Variants in ZNF160 observed in about 807,000 individuals in gnomAD.
ZNF160 encodes zinc finger protein 160.
Under a neutral mutation model 13.1 loss-of-function variants are expected in ZNF160, and 9 were observed. The ratio of observed to expected loss-of-function variants is 0.69; its 90% CI spans 0.41 to 1.20. ZNF160 has a LOEUF of 1.20. Ranked by LOEUF, ZNF160 falls within the 50% of genes most tolerant of loss-of-function variation. The pLI is 0.01. For synonymous variants in ZNF160, 293 were observed against 333.2 expected (o/e 0.88, Z 1.31); for missense variants, 838 against 988.0 (o/e 0.85, Z 2.04).
intron 2 of ZNF160, among the ~76,000 whole-genome samples, chr19:53,086,552 T>C (rs539911792): frequency 6.6e-6 from 1 of 151,742 alleles, no homozygotes; most frequent in African/African-American, 2.4e-5. Flanking sequence ...ACCTTCCTCC[T>C]GGAGAAGCCC....
At chr19:53,091,857 TC>T (rs1857523630) in intron 1 of ZNF160, 137 bp from the exon 2 acceptor site, 1 of 152,218 alleles carries the variant, frequency 6.6e-6, no homozygotes, top group African/African-American at 2.4e-5. Flanking sequence ...CCATTTCTAT[TC>T]CCCGCGCACT....
chr19:53,075,379 G>A lies in ZNF160; in HGVS notation c.16-196C>T, dbSNP rs1193167733. ...CATAAGAGCTCACTTGAAATCAGTG[G>A]AGTGATAAGTATCTTTTTGTACATT... On this transcript the variant is annotated intron_variant, in intron 3 of 5. Coordinates refer to ENST00000683776, the MANE Select transcript of ZNF160 (RefSeq NM_001322131.2). The A allele has an allele frequency of 4.9e-6, 3 of 608,290 alleles. No homozygotes were observed. The East Asian group carries it at 9.2e-5, about 19-fold the overall frequency. The allele number at this position is 608,290 out of a possible 1,614,324, so 37.7% of individuals were successfully genotyped here.
At chr19:53,076,059 T>C (rs929504300) in intron 3 of ZNF160, 2 of 225,476 alleles carry the variant, frequency 8.9e-6, no homozygotes, top group East Asian at 2.5e-4. Context: ...AGTATTTGTA[T>C]TATGGAAGCA....
chr19:53,102,315 C>T (rs935080197), intron 1 of ZNF160, among the ~76,000 whole-genome samples: 2 of 152,158 alleles, frequency 1.3e-5, no homozygotes, highest in Non-Finnish European at 2.9e-5. Flanking sequence ...CTCTCTGGCA[C>T]TCCCAGATCC....
chr19:53,086,134 G>C, intron 3 of ZNF160, 128 bp downstream of exon 3: 2 of 1,332,816 alleles, frequency 1.5e-6, no homozygotes, highest in East Asian at 2.3e-5. Flanking sequence ...AGGGACTGAG[G>C]GAAGGCGCGG....
intron 5 of ZNF160, chr19:53,073,488 T>C (rs752954775): frequency 1.9e-6 from 3 of 1,598,064 alleles, no homozygotes; most frequent in Admixed American, 1.7e-5. Context: ...CAGCAGCCAA[T>C]GTTTCCATCT....
chr19:53,100,604 C>T (rs923474349), intron 1 of ZNF160, among the ~76,000 whole-genome samples: 5 of 150,508 alleles, frequency 3.3e-5, no homozygotes, highest in South Asian at 2.1e-4. Flanking sequence ...AGCGAGACTC[C>T]GTCTCCAAAA....
At chr19:53,072,245 G>T (rs1227814931) in intron 5 of ZNF160, among the ~76,000 whole-genome samples, 1 of 152,040 alleles carries the variant, frequency 6.6e-6, no homozygotes, top group African/African-American at 2.4e-5. Context: ...GGGACTGCAG[G>T]CATGTGCCAT....
chr19:53,097,229 T>C (rs3826699), intron 1 of ZNF160, among the ~76,000 whole-genome samples: 111,255 of 120,302 alleles, frequency 0.92, 51,497 homozygotes, highest in Middle Eastern at 0.96. Context: ...GTGGAAGCCT[T>C]TGGGCCGCAG....
chr19:53,075,566 A>C, intron 3 of ZNF160: 1 of 353,212 alleles, frequency 2.8e-6, no homozygotes, highest in South Asian at 2.2e-5. Flanking sequence ...GTTGATCACC[A>C]ATGCCAATAA....
Position 53,073,432 on chromosome 19 carries a change from G to A in ZNF160, c.271+708C>T, listed in dbSNP as rs571043954. On this transcript the variant is annotated intron_variant, in intron 5 of 5. Coordinates refer to ENST00000683776, the MANE Select transcript of ZNF160 (RefSeq NM_001322131.2). The stretch of plus-strand genomic sequence containing the variant: ...CCGAGGGACCTCGACAGGCGGAGAC[G>A]GCTGGAGACTCTTCCATGAGGTTTG... 1.1e-5 allele frequency: 18 copies of A among 1,598,408 alleles called. No homozygotes were observed. The East Asian group carries it at 1.3e-4, about 12-fold the overall frequency.
rs145273922 is a variant in ZNF160 at position 53,079,338 on chromosome 19, G to A, written c.16-4155C>T. Among the ~76,000 whole-genome samples the A allele has an allele frequency of 7.9e-3, 1,196 of 152,048 alleles. 14 individuals are homozygous for A. The highest frequency in any genetic ancestry group is 0.027 in the African/African-American group (1,126 of 41,490). ...GGCCAAGGCAGGTGGATCACCTGAG[G>A]TCAGGAGTTCAAGACCAGCCTGACC... On this transcript the variant is annotated intron_variant, in intron 3 of 5. Coordinates refer to ENST00000683776, the MANE Select transcript of ZNF160 (RefSeq NM_001322131.2).
In ZNF160 at chr19:53,070,277, G is replaced by C; in HGVS notation, c.272-15C>G. 1 of 1,534,048 alleles carries C rather than the reference G, an allele frequency of 6.5e-7. No individual in the cohort carries two copies. Among genetic ancestry groups the C allele is most frequent in the African/African-American group, 1.4e-5 (1 of 71,938 alleles). On this transcript the variant is annotated splice_polypyrimidine_tract_variant and intron_variant, in intron 5 of 5. Transcript: ENST00000683776. ...AGGAGGGATATCTACAAGATATAAA[G>C]AACCACATAATTTCCAATTAATTAC...
At chr19:53,080,680 T>C (rs1045070376) in intron 3 of ZNF160, among the ~76,000 whole-genome samples, 7 of 152,190 alleles carry the variant, frequency 4.6e-5, no homozygotes, top group Admixed American at 6.5e-5. Context: ...AGTATTCCTA[T>C]TAAATGACCA....
rs1183791214 is a variant in ZNF160, at chr19:53,069,931, C to T, written c.603G>A (p.Met201Ile). ...ACTTCTCAACTTGATTACATTCATA[C>T]ATTTTCCCCTCACCTTGAAATAGCT... is the stretch of plus-strand genomic sequence containing the variant. ...ELQLFQGEGK[M>I]YECNQVEKST... The change falls in exon 6 of 6, where the codon ATG (methionine) becomes ATA (isoleucine). Residue 201 changes from methionine (M) to isoleucine (I), a missense_variant. Physicochemically the swap from Met to Ile is conservative, Grantham distance 10. Transcript: ENST00000683776. The surrounding 1 kb of genome is among the most constrained non-coding windows in gnomAD (Gnocchi z 4.4). The T allele has an allele frequency of 1.9e-6, 3 of 1,614,148 alleles. No homozygotes were observed. Among genetic ancestry groups the T allele is most frequent in the Admixed American group, 1.7e-5 (1 of 60,028 alleles).
At chr19:53,101,677 T>G (rs2085451565) in intron 1 of ZNF160, among the ~76,000 whole-genome samples, 2 of 152,144 alleles carry the variant, frequency 1.3e-5, no homozygotes, top group African/African-American at 4.8e-5. Context: ...CAGTCACTCC[T>G]TGCCTCTCTT....
chr19:53,069,751 T>G lies in ZNF160; in HGVS notation c.783A>C (p.Glu261Asp). The change falls in exon 6 of 6, where the codon GAA becomes GAC. Residue 261 changes from glutamate (E) to aspartate (D), a missense_variant. By Grantham distance (45) the Glu-to-Asp change is conservative (BLOSUM62 2). Coordinates refer to ENST00000683776, the MANE Select transcript of ZNF160 (RefSeq NM_001322131.2). The surrounding 1 kb of genome is among the most constrained non-coding windows in gnomAD (Gnocchi z 4.4). The part of the protein sequence containing the change: ...NSCGKPYKCN[E>D]CGKAFTQNSN... ...AATTCTGAGTGAACGCCTTGCCACA[T>G]TCATTACATTTATAAGGTTTTCCAC... 6.2e-7 allele frequency: 1 copy of G among 1,614,244 alleles called. No individual in the cohort carries two copies. Among genetic ancestry groups the G allele is most frequent in the Non-Finnish European group, 8.5e-7 (1 of 1,180,044 alleles).
intron 1 of ZNF160, among the ~76,000 whole-genome samples, chr19:53,094,290 C>A (rs868621274): frequency 6.6e-6 from 1 of 152,192 alleles, no homozygotes; most frequent in Admixed American, 6.5e-5. Context: ...GCCCAGAGTT[C>A]TCTTTCTTCC....
chr19:53,074,192 C>G lies in ZNF160; in HGVS notation c.219G>C (p.Val73=), dbSNP rs1421830084. The G allele has an allele frequency of 6.2e-7, 1 of 1,614,058 alleles. No homozygotes were observed. The highest frequency in any genetic ancestry group is 1.1e-5 in the South Asian group (1 of 91,082). The change falls in exon 5 of 6, where the codon GTG becomes GTC. Residue 73 remains valine, a synonymous_variant. Transcript: ENST00000683776. ...GKEPWTVKSC[V]KIARKPRTPE... ...GCGTTCTTGGTTTTCTTGCTATTTT[C>G]ACACAGCTCTTCACAGTCCAGGGCT...
Sources: allele counts gnomAD v4.1 joint callset (sites outside exome capture counted in the v4.1 genomes callset), GRCh38; gene constraint gnomAD v4.1.1; non-coding constraint Gnocchi (gnomAD v3.1); transcripts MANE v1.5; gene names NCBI Gene and HGNC (gene_info 2026-07-23, HGNC 2026-07-21).